PCDH15: variants seen among roughly 807,000 people sequenced by gnomAD.
PCDH15 encodes protocadherin-15.
PCDH15 carries 129 observed loss-of-function variants against 178.5 expected under a neutral mutation model. The ratio of observed to expected loss-of-function variants is 0.72; its 90% CI spans 0.63 to 0.84. The LOEUF (loss-of-function observed/expected upper bound fraction) is 0.84. Ranked by LOEUF, PCDH15 falls within the 40% of genes least tolerant of loss-of-function variation. PCDH15 has a pLI of 0.00. For missense variants in PCDH15, 2,230 were observed against 2,099.9 expected, an observed-to-expected ratio of 1.06 and a Z score of -1.21; for synonymous variants, 800 against 732.0, an observed-to-expected ratio of 1.09 and a Z score of -1.50.
chr10:54,316,801 G>A (rs11004224), intron 8 of PCDH15, among the ~76,000 whole-genome samples: 7,401 of 152,142 alleles, frequency 0.049, 559 homozygotes, highest in African/African-American at 0.17. Context: ...ACTTTAAGAG[G>A]TAAGTATTTG....
chr10:54,255,068 C>T (rs917060671), intron 8 of PCDH15, among the ~76,000 whole-genome samples: 1 of 152,132 alleles, frequency 6.6e-6, no homozygotes, highest in Non-Finnish European at 1.5e-5. Context: ...TGGGGGTGAC[C>T]CCAGAAAGCA....
chr10:53,870,766 C>T (rs1480295497), intron 26 of PCDH15, among the ~76,000 whole-genome samples: 1 of 152,150 alleles, frequency 6.6e-6, no homozygotes, highest in African/African-American at 2.4e-5. Context: ...GCAATACCAT[C>T]ATACATAGAT....
chr10:54,722,579 C>CAA (rs34375725), intron 1 of PCDH15, among the ~76,000 whole-genome samples: 255 of 131,696 alleles, frequency 1.9e-3, no homozygotes, highest in Middle Eastern at 8.3e-3. Context: ...CAATTGGGAC[C>CAA]AAAAAAAAAA....
chr10:55,229,244 GA>G (rs988063011), intron 1 of PCDH15, among the ~76,000 whole-genome samples: 2 of 150,868 alleles, frequency 1.3e-5, no homozygotes, highest in Non-Finnish European at 3.0e-5. Flanking sequence ...GGTATTATTT[GA>G]AAAAAAATGT....
At chr10:54,262,901 G>C (rs1393786018) in intron 8 of PCDH15, among the ~76,000 whole-genome samples, 1 of 151,478 alleles carries the variant, frequency 6.6e-6, no homozygotes, top group African/African-American at 2.4e-5. Context: ...GCGAGTGTCT[G>C]TGGGAGATCT....
intron 3 of PCDH15, among the ~76,000 whole-genome samples, chr10:54,516,874 C>A (rs1264883808): frequency 1.3e-5 from 2 of 152,174 alleles, no homozygotes; most frequent in Non-Finnish European, 2.9e-5. Flanking sequence ...GGCAGAAACT[C>A]TACAAGCCAG....
chr10:54,174,052 G>A (rs545749735), intron 13 of PCDH15, among the ~76,000 whole-genome samples: 1 of 152,298 alleles, frequency 6.6e-6, no homozygotes, highest in Admixed American at 6.5e-5. Flanking sequence ...ACAGGATATC[G>A]ATTATGGGCT....
At chr10:54,732,157 A>G (rs1162774849) in intron 1 of PCDH15, among the ~76,000 whole-genome samples, 1 of 151,438 alleles carries the variant, frequency 6.6e-6, no homozygotes, top group Non-Finnish European at 1.5e-5. Flanking sequence ...TCAAAGCAGC[A>G]CAGTAGAATA....
At chr10:55,135,600 T>TTTTG (rs1838173089) in intron 2 of PCDH15, among the ~76,000 whole-genome samples, 1 of 115,486 alleles carries the variant, frequency 8.7e-6, no homozygotes, top group African/African-American at 3.0e-5. Context: ...TTTTTTTTTT[T>TTTTG]GAGACAGAGT....
chr10:54,297,048 C>T (rs1014076908), intron 8 of PCDH15, among the ~76,000 whole-genome samples: 1 of 151,974 alleles, frequency 6.6e-6, no homozygotes, highest in African/African-American at 2.4e-5. Flanking sequence ...CAACTATTCC[C>T]ATCAGCAGGG....
intron 26 of PCDH15, among the ~76,000 whole-genome samples, chr10:53,883,913 A>G (rs1900431): frequency 0.75 from 114,627 of 152,008 alleles, 43,742 homozygotes; most frequent in East Asian, 1. Context: ...ACGGGCTTTC[A>G]CCATGTTGGC....
intron 1 of PCDH15, among the ~76,000 whole-genome samples, chr10:55,240,767 ATAAG>A (rs1283022133): frequency 1.3e-5 from 2 of 152,188 alleles, no homozygotes; most frequent in Non-Finnish European, 2.9e-5. Context: ...TTATTTTAAA[ATAAG>A]TATGTATTCA....
At chr10:54,801,440 G>A (rs1389225418), upstream of PCDH15, 1 of 152,242 alleles carries the variant, frequency 6.6e-6, no homozygotes, top group African/African-American at 2.4e-5. Flanking sequence ...ACAAATTGAT[G>A]TCCACTGATC....
At chr10:55,172,277 A>G (rs186095892) in intron 1 of PCDH15, among the ~76,000 whole-genome samples, 1 of 152,126 alleles carries the variant, frequency 6.6e-6, no homozygotes, top group Admixed American at 6.5e-5. Context: ...TATTGGCATT[A>G]TTTCTTAAAC....
At chr10:54,234,132 CTGTGTGTG>C (rs35466519) in intron 9 of PCDH15, among the ~76,000 whole-genome samples, 3,715 of 138,514 alleles carry the variant, frequency 0.027, 160 homozygotes, top group African/African-American at 0.088. Context: ...ATATCCCCTT[CTGTGTGTG>C]TGTGTGTGTG....
intron 1 of PCDH15, among the ~76,000 whole-genome samples, chr10:55,171,538 A>T (rs1487831879): frequency 6.6e-6 from 1 of 152,090 alleles, no homozygotes; most frequent in African/African-American, 2.4e-5. Context: ...GATTAAAATT[A>T]AAAAAACAAC....
chr10:55,574,594 T>C (rs900704156), intron 2 of PCDH15, among the ~76,000 whole-genome samples: 2 of 152,052 alleles, frequency 1.3e-5, no homozygotes, highest in Admixed American at 1.3e-4. Context: ...ACAGCAAATA[T>C]ATAAAATTTT....
intron 21 of PCDH15, among the ~76,000 whole-genome samples, chr10:53,968,332 G>T (rs2089275117): frequency 1.3e-5 from 2 of 152,296 alleles, no homozygotes; most frequent in Admixed American, 1.3e-4. Context: ...TGAGGCTTGA[G>T]TAGGTAAACA....
At chr10:54,353,536 A>G (rs977076399) in intron 5 of PCDH15, among the ~76,000 whole-genome samples, 1 of 152,148 alleles carries the variant, frequency 6.6e-6, no homozygotes, top group Admixed American at 6.6e-5. Flanking sequence ...TGTACAGACT[A>G]TCTTGTCAGA....
Sources: gnomAD v4.1 joint callset for allele counts (sites outside exome capture counted in the v4.1 genomes callset) on GRCh38, gnomAD v4.1.1 for gene constraint, MANE v1.5 for transcripts, NCBI Gene and HGNC (gene_info 2026-07-23, HGNC 2026-07-21) for gene names.